Variants in LRRC8C observed in about 807,000 individuals in gnomAD.
The protein encoded by LRRC8C is volume-regulated anion channel subunit LRRC8C.
A neutral mutation model predicts 55.3 loss-of-function variants in LRRC8C; 20 were observed. That is an observed-to-expected ratio of 0.36 (90% CI 0.25 to 0.53). LRRC8C has a LOEUF of 0.53. LRRC8C is among the 20% of genes least tolerant of loss of function. The probability of loss-of-function intolerance (pLI) is 0.92; values close to 1 mark genes in which losing one functional copy is unlikely to be tolerated. For synonymous variants in LRRC8C, 376 were observed against 360.7 expected, an observed-to-expected ratio of 1.04 and a Z score of -0.48; for missense variants, 659 against 951.4, an observed-to-expected ratio of 0.69 and a Z score of 4.04.
chr1:89,682,508 C>T (rs901545942), intron 1 of LRRC8C, among the ~76,000 whole-genome samples: 3 of 152,164 alleles, frequency 2.0e-5, no homozygotes, highest in African/African-American at 7.2e-5. Context: ...GGAAGCCTGG[C>T]AACCTAGACC....
At chr1:89,662,606 G>A (rs1003210606) in intron 1 of LRRC8C, among the ~76,000 whole-genome samples, 7 of 152,086 alleles carry the variant, frequency 4.6e-5, no homozygotes, top group South Asian at 2.1e-4. Context: ...GTCAGAAATC[G>A]TTGGAATCTG....
intron 1 of LRRC8C, among the ~76,000 whole-genome samples, chr1:89,678,588 T>C (rs1657612793): frequency 6.6e-6 from 1 of 151,820 alleles, no homozygotes; most frequent in African/African-American, 2.4e-5. Context: ...TAATCCCAGC[T>C]ACTCGGGAGA....
In LRRC8C at chr1:89,717,356, A is replaced by G. The variant is rs1658857496; in HGVS notation, c.*2374A>G. 2 of 152,190 alleles carry G rather than the reference A, an allele frequency of 1.3e-5. No homozygotes were observed. The highest frequency in any genetic ancestry group is 4.1e-4 in the South Asian group (2 of 4,830). 9.4% of individuals were successfully genotyped at this position (152,190 alleles called of 1,614,324 possible). A position where few individuals can be genotyped will look rare whatever the true frequency, so the allele number is the denominator to read the frequency against. On this transcript the variant is annotated 3_prime_UTR_variant, in exon 3 of 3. Coordinates refer to ENST00000370454, the MANE Select transcript of LRRC8C (RefSeq NM_032270.5). Reference sequence around the variant, plus strand: ...TATGCTGAAGTCTTTATCTGGTGTTAACTAAAAATCTCATATGGGTTCATA... The same window carrying G: ...TATGCTGAAGTCTTTATCTGGTGTTGACTAAAAATCTCATATGGGTTCATA...
At chr1:89,640,353 G>A (rs1656420143) in intron 1 of LRRC8C, among the ~76,000 whole-genome samples, 1 of 152,198 alleles carries the variant, frequency 6.6e-6, no homozygotes, top group Non-Finnish European at 1.5e-5. Flanking sequence ...ATGAGCCACT[G>A]CACCCAGCCT....
chr1:89,685,585 AT>A (rs1657857184), intron 1 of LRRC8C, among the ~76,000 whole-genome samples: 1 of 152,202 alleles, frequency 6.6e-6, no homozygotes, highest in Admixed American at 6.5e-5. Flanking sequence ...CAGTAGCAGG[AT>A]GATTAACCTC....
chr1:89,683,079 A>G (rs147635579), intron 1 of LRRC8C, among the ~76,000 whole-genome samples: 319 of 152,338 alleles, frequency 2.1e-3, no homozygotes, highest in African/African-American at 7.5e-3. Flanking sequence ...AAAACTTGTG[A>G]TCACCACCAT....
intron 2 of LRRC8C, among the ~76,000 whole-genome samples, chr1:89,709,832 A>G (rs1658597330): frequency 2.7e-5 from 4 of 150,630 alleles, no homozygotes; most frequent in Admixed American, 6.6e-5. Flanking sequence ...GCTCACTGCA[A>G]GCTCCGCCTC....
intron 1 of LRRC8C, among the ~76,000 whole-genome samples, chr1:89,671,466 A>T (rs1006233402): frequency 1.3e-5 from 2 of 152,202 alleles, no homozygotes; most frequent in African/African-American, 4.8e-5. Context: ...ATTTCGAGTG[A>T]GGGGCCCTCA....
chr1:89,631,105 G>C (rs186096678), upstream of LRRC8C, among the ~76,000 whole-genome samples: 150 of 152,282 alleles, frequency 9.9e-4, 1 homozygote, highest in Non-Finnish European at 1.9e-3. Flanking sequence ...TGCTTTCAGT[G>C]AAGAGTAGTT....
intron 1 of LRRC8C, among the ~76,000 whole-genome samples, chr1:89,672,977 T>C (rs1657462185): frequency 6.6e-6 from 1 of 152,094 alleles, no homozygotes; most frequent in South Asian, 2.1e-4. Context: ...CCCTGTCCTT[T>C]CCCTTGGCCC....
At chr1:89,656,960 CAAAGGGGTTAAA>C (rs1656961361) in intron 1 of LRRC8C, among the ~76,000 whole-genome samples, 2 of 151,830 alleles carry the variant, frequency 1.3e-5, no homozygotes, top group African/African-American at 2.4e-5. Flanking sequence ...GTGCATGATT[CAAAGGGGTTAAA>C]TAACCTGCCC....
At chr1:89,631,198 C>G (rs1194754315), upstream of LRRC8C, among the ~76,000 whole-genome samples, 3 of 152,174 alleles carry the variant, frequency 2.0e-5, no homozygotes, top group Non-Finnish European at 4.4e-5. Context: ...TTAGCTAATT[C>G]TCACAGCACC....
intron 1 of LRRC8C, among the ~76,000 whole-genome samples, chr1:89,665,136 G>A (rs1170642980): frequency 6.6e-6 from 1 of 152,190 alleles, no homozygotes; most frequent in Non-Finnish European, 1.5e-5. Flanking sequence ...TCTCTTGCCT[G>A]ATTGCCCTGG....
chr1:89,656,216 C>T (rs1452220589), intron 1 of LRRC8C, among the ~76,000 whole-genome samples: 1 of 152,208 alleles, frequency 6.6e-6, no homozygotes, highest in African/African-American at 2.4e-5. Context: ...CAGCTAGTTT[C>T]CTCAGCCTCA....
intron 1 of LRRC8C, among the ~76,000 whole-genome samples, chr1:89,679,247 C>T (rs1657635632): frequency 6.6e-6 from 1 of 152,088 alleles, no homozygotes; most frequent in Non-Finnish European, 1.5e-5. Context: ...TGAAGTGCTG[C>T]TCATAAATAA....
At chr1:89,624,676 C>T in the LRRC8C span, among the ~76,000 whole-genome samples, 28 of 152,252 alleles carry the variant, frequency 1.8e-4, no homozygotes, top group East Asian at 5.4e-3. Context: ...GTTATAGAGC[C>T]CACAATTCCC....
rs1658866553 is a variant in LRRC8C at position 89,717,679 on chromosome 1, A to T, written c.*2697A>T. ...TTTGTTCACTTTCTTAAGTAAAAAAAACATTTAATTACTAGTTAGCCCTTA... is the reference window on the plus strand; with the variant it reads ...TTTGTTCACTTTCTTAAGTAAAAAATACATTTAATTACTAGTTAGCCCTTA... On this transcript the variant is annotated 3_prime_UTR_variant, in exon 3 of 3. Transcript: ENST00000370454. 1 of 152,178 alleles carries T rather than the reference A, an allele frequency of 6.6e-6. No individual in the cohort carries two copies. Among genetic ancestry groups the T allele is most frequent in the Admixed American group, 6.5e-5 (1 of 15,274 alleles). The allele number at this position is 152,178 out of a possible 1,614,324, so 9.4% of individuals were successfully genotyped here.
chr1:89,719,170 A>G lies in LRRC8C; in HGVS notation c.*4188A>G, dbSNP rs1004086091. On this transcript the variant is annotated 3_prime_UTR_variant, in exon 3 of 3. Coordinates refer to ENST00000370454, the MANE Select transcript of LRRC8C (RefSeq NM_032270.5). ...AGAATACCTTGAAAGGGGGGTATATAAATTTGGAAAACTTAATTTCTTGGC... is the reference window on the plus strand; with the variant it reads ...AGAATACCTTGAAAGGGGGGTATATGAATTTGGAAAACTTAATTTCTTGGC... The G allele has an allele frequency of 1.3e-5, 2 of 152,166 alleles. No homozygotes were observed. The highest frequency in any genetic ancestry group is 2.9e-5 in the Non-Finnish European group (2 of 68,010). The allele number at this position is 152,166 out of a possible 1,614,324, so 9.4% of individuals were successfully genotyped here.
chr1:89,646,618 C>T (rs1656622464), intron 1 of LRRC8C, among the ~76,000 whole-genome samples: 2 of 152,036 alleles, frequency 1.3e-5, no homozygotes, highest in South Asian at 4.1e-4. Flanking sequence ...ATCTCATACA[C>T]ATTTTATTTT....
Sources: gnomAD v4.1 joint callset for allele counts (sites outside exome capture counted in the v4.1 genomes callset) on GRCh38, gnomAD v4.1.1 for gene constraint, MANE v1.5 for transcripts, NCBI Gene and HGNC (gene_info 2026-07-23, HGNC 2026-07-21) for gene names.